The following RBM26 variants were observed in gnomAD, a reference collection of about 807,000 sequenced individuals.
RBM26 encodes RNA-binding protein 26.
A neutral mutation model predicts 123.6 loss-of-function variants in RBM26; 30 were observed. The observed-to-expected ratio is 0.24, with a 90% confidence interval of 0.18 to 0.33. The LOEUF is 0.33. Ranked by LOEUF, RBM26 falls within the 10% of genes least tolerant of loss-of-function variation. The pLI is 1.00. For missense variants in RBM26, 947 were observed against 1,203.6 expected, an observed-to-expected ratio of 0.79 and a Z score of 3.15; for synonymous variants, 400 against 404.4, an observed-to-expected ratio of 0.99 and a Z score of 0.13.
intron 1 of RBM26, among the ~76,000 whole-genome samples, chr13:79,405,025 T>G (rs2079402996): frequency 6.6e-6 from 1 of 152,212 alleles, no homozygotes; most frequent in Non-Finnish European, 1.5e-5. Context: ...AAACACTCCT[T>G]AAATTTTCCA....
intron 20 of RBM26, 92 bp downstream of exon 20, chr13:79,334,252 T>C (rs1039150536): frequency 1.4e-6 from 1 of 690,776 alleles, no homozygotes; most frequent in Non-Finnish European, 2.4e-6. Context: ...GCATATTATT[T>C]AGTAAGTTAA....
In RBM26 at chr13:79,365,716, T is replaced by C. The variant is rs746900648; in HGVS notation, c.1279A>G (p.Thr427Ala). 6.2e-7 allele frequency: 1 copy of C among 1,609,216 alleles called. No individual in the cohort carries two copies. The highest frequency in any genetic ancestry group is 1.1e-5 in the South Asian group (1 of 89,280). Reference protein sequence around the residue: ...PAPPSLFTADTYDTDGYNPEA... With the variant: ...PAPPSLFTADAYDTDGYNPEA... The stretch of plus-strand genomic sequence containing the variant: ...GGATTGTAGCCATCTGTGTCATATG[T>C]ATCTGGTAATACAAAAACTGTAATT... The change falls in exon 9 of 22, where the codon ACA becomes GCA. Residue 427 changes from threonine (T) to alanine (A), a missense_variant and splice_region_variant. Around this residue, in one of 5 missense-constraint regions of RBM26, gnomAD observed 493 missense variants for 563.1 expected, o/e 0.88. Coordinates refer to ENST00000438737, the MANE Select transcript of RBM26 (RefSeq NM_001366735.2).
intron 1 of RBM26, among the ~76,000 whole-genome samples, chr13:79,385,790 G>A (rs527388489): frequency 6.6e-6 from 1 of 152,206 alleles, no homozygotes; most frequent in African/African-American, 2.4e-5. Context: ...TGTGGGGCTG[G>A]CTTTTTTTCT....
chr13:79,403,061 G>C (rs1463242375), intron 1 of RBM26, among the ~76,000 whole-genome samples: 1 of 151,030 alleles, frequency 6.6e-6, no homozygotes, highest in African/African-American at 2.4e-5. Flanking sequence ...CTCTCAAACA[G>C]AGGTCGTTTG....
At position 79,319,862 on chromosome 13, in the gene RBM26, A is replaced by C; in HGVS notation, c.*759T>G. The C allele has an allele frequency of 1.0e-6, 1 of 978,076 alleles. No individual in the cohort carries two copies. The highest frequency in any genetic ancestry group is 1.2e-6 in the Non-Finnish European group (1 of 825,214). 60.6% of individuals were successfully genotyped at this position (978,076 alleles called of 1,614,324 possible). ...TTTTGTGATAATTGGGGGGAAGGGTAGATCACCATCTGGAATGGTCTATTT... is the reference window on the plus strand; with the variant it reads ...TTTTGTGATAATTGGGGGGAAGGGTCGATCACCATCTGGAATGGTCTATTT... On this transcript the variant is annotated 3_prime_UTR_variant, in exon 22 of 22. Transcript: ENST00000438737.
At chr13:79,324,433 T>A (rs1000757934) in intron 20 of RBM26, among the ~76,000 whole-genome samples, 1 of 151,944 alleles carries the variant, frequency 6.6e-6, no homozygotes, top group Non-Finnish European at 1.5e-5. Flanking sequence ...TTGTGTGACT[T>A]TCTATTAGAA....
chr13:79,337,016 T>C, intron 19 of RBM26, 86 bp downstream of exon 19: 1 of 1,245,984 alleles, frequency 8.0e-7, no homozygotes, highest in Non-Finnish European at 1.1e-6. Flanking sequence ...ATTACTTATG[T>C]CCTTTTCATA....
rs955156792 is a variant in RBM26 at position 79,319,238 on chromosome 13, A to G, written c.*1383T>C. On this transcript the variant is annotated 3_prime_UTR_variant, in exon 22 of 22. Transcript: ENST00000438737. ...AACAGCTTTTGATTGTGAGGACCCC[A>G]ATATGGAAGAAAGTAATTTTTTAAA... The G allele has an allele frequency of 1.0e-6, 1 of 984,136 alleles. No homozygotes were observed. Among genetic ancestry groups the G allele is most frequent in the African/African-American group, 1.7e-5 (1 of 57,274 alleles). 61.0% of individuals were successfully genotyped at this position (984,136 alleles called of 1,614,324 possible). A position where few individuals can be genotyped will look rare whatever the true frequency, so the allele number is the denominator to read the frequency against.
chr13:79,350,726 C>T (rs2073097596), intron 14 of RBM26, among the ~76,000 whole-genome samples: 1 of 151,376 alleles, frequency 6.6e-6, no homozygotes, highest in Admixed American at 6.6e-5. Flanking sequence ...TTTTCCCCTG[C>T]CTTCATTTTT....
In RBM26 at chr13:79,320,651, C is replaced by T; in HGVS notation, c.2994G>A (p.Glu998=). The T allele has an allele frequency of 6.3e-7, 1 of 1,598,744 alleles. No individual in the cohort carries two copies. Among genetic ancestry groups the T allele is most frequent in the African/African-American group, 1.4e-5 (1 of 73,878 alleles). The change falls in exon 22 of 22, where the codon GAG becomes GAA. Residue 998 remains glutamate (E), a synonymous_variant. Transcript: ENST00000438737. ...TTCTCCAAGAACGAGATTCATTGTCCTCTTCTTCTTCATCATCATCTTGAA... is the reference window on the plus strand; with the variant it reads ...TTCTCCAAGAACGAGATTCATTGTCTTCTTCTTCTTCATCATCATCTTGAA... The part of the protein sequence containing the change: ...SLLQDDDEEE[E]DNESRSWRR
intron 20 of RBM26, among the ~76,000 whole-genome samples, chr13:79,326,186 C>G (rs2068385222): frequency 6.6e-6 from 1 of 152,198 alleles, no homozygotes; most frequent in Admixed American, 6.5e-5. Context: ...AGGTCTATTT[C>G]TGAACTGTAT....
Position 79,379,296 on chromosome 13 carries a change from G to A in RBM26, c.72-389C>T, listed in dbSNP as rs569973594. Among the ~76,000 whole-genome samples, 4 of 149,010 alleles carry A rather than the reference G, an allele frequency of 2.7e-5. No homozygotes were observed. The South Asian group carries it at 8.4e-4, about 31-fold the overall frequency. ...GTCCTGTAATGACAGCACCTTGGGAGACCTAGGCGGGCAGATCGCTTGAGC... is the reference window on the plus strand; with the variant it reads ...GTCCTGTAATGACAGCACCTTGGGAAACCTAGGCGGGCAGATCGCTTGAGC... On this transcript the variant is annotated intron_variant, in intron 1 of 21. Transcript: ENST00000438737.
At chr13:79,339,323 A>C (rs1488748580) in intron 18 of RBM26, among the ~76,000 whole-genome samples, 1 of 152,084 alleles carries the variant, frequency 6.6e-6, no homozygotes, top group African/African-American at 2.4e-5. Flanking sequence ...AGGAAGAGTA[A>C]GTTCTAGAGA....
chr13:79,327,272 G>T (rs2068572008), intron 20 of RBM26, among the ~76,000 whole-genome samples: 2 of 148,978 alleles, frequency 1.3e-5, no homozygotes, highest in African/African-American at 5.0e-5. Flanking sequence ...CTCTAGCCTG[G>T]GTGACAGAAT....
At chr13:79,404,648 C>T (rs2079360471) in intron 1 of RBM26, among the ~76,000 whole-genome samples, 1 of 152,272 alleles carries the variant, frequency 6.6e-6, no homozygotes, top group Non-Finnish European at 1.5e-5. Context: ...CTTTCATTTG[C>T]TCTTCCTTTT....
Position 79,368,764 on chromosome 13 carries a change from T to C in RBM26, c.861A>G (p.Pro287=). The C allele has an allele frequency of 6.2e-7, 1 of 1,614,006 alleles. No homozygotes were observed. The highest frequency in any genetic ancestry group is 8.5e-7 in the Non-Finnish European group (1 of 1,179,916). The change falls in exon 6 of 22, where the codon CCA becomes CCG. Residue 287 remains proline (P), a synonymous_variant. Coordinates refer to ENST00000438737, the MANE Select transcript of RBM26 (RefSeq NM_001366735.2). ...CTCTACACCGTTTCTTTGGCATGGG[T>C]GGTCTTACGTAAGAGTTATGGTCCA... ...DQVDHNSYVR[P]PMPKKRCRDY... is the part of the protein sequence containing the mutation.
At position 79,403,580 on chromosome 13, in the gene RBM26, C is replaced by T. The variant is rs1451533815; in HGVS notation, c.71+2124G>A. ...TAATAACTACTGAATGCTAATTACA[C>T]ACCAGACAGTAGTCTAAGATTTCCT... On this transcript the variant is annotated intron_variant, in intron 1 of 21. Coordinates refer to ENST00000438737, the MANE Select transcript of RBM26 (RefSeq NM_001366735.2). 2.0e-5 allele frequency among the ~76,000 whole-genome samples: 3 copies of T among 152,320 alleles called. No individual in the cohort carries two copies. In the East Asian group the frequency reaches 5.8e-4, roughly 29 times the overall value.
downstream of RBM26, chr13:79,313,941 C>T (rs2066976244): frequency 6.7e-6 from 1 of 150,172 alleles, no homozygotes; most frequent in Non-Finnish European, 1.5e-5. Context: ...GAATAAAAAT[C>T]AGTGTCAATT....
chr13:79,321,588 G>T (rs923709610), intron 21 of RBM26, among the ~76,000 whole-genome samples: 1 of 151,256 alleles, frequency 6.6e-6, no homozygotes, highest in African/African-American at 2.4e-5. Context: ...TTAGCCATCA[G>T]ACTAACTGCT....
Sources: gnomAD v4.1 joint callset for allele counts (sites outside exome capture counted in the v4.1 genomes callset) on GRCh38, gnomAD v4.1.1 for gene constraint, gnomAD v4.1.1 regional missense constraint, MANE v1.5 for transcripts, NCBI Gene and HGNC (gene_info 2026-07-23, HGNC 2026-07-21) for gene names.